Variants in RASSF3 observed in about 807,000 individuals in gnomAD.
The protein encoded by RASSF3 is ras association domain-containing protein 3.
In RASSF3, 19 loss-of-function variants were observed where a neutral mutation model predicts 19.9. That is an observed-to-expected ratio of 0.96 (90% CI 0.67 to 1.40). The LOEUF (loss-of-function observed/expected upper bound fraction) is 1.40. Ranked by LOEUF, RASSF3 falls within the 40% of genes most tolerant of loss-of-function variation. The pLI is 0.00. For missense variants in RASSF3, 306 were observed against 289.8 expected, an observed-to-expected ratio of 1.06 and a Z score of -0.41; for synonymous variants, 110 against 104.2, an observed-to-expected ratio of 1.06 and a Z score of -0.34.
At chr12:64,521,019 T>C (rs1378137367) in intron 1 of RASSF3, among the ~76,000 whole-genome samples, 1 of 152,204 alleles carries the variant, frequency 6.6e-6, no homozygotes, top group East Asian at 1.9e-4. Context: ...GAGCTGGAAA[T>C]GGTTGTCGGG....
At chr12:64,644,120 G>A (rs1230669930) in intron 1 of RASSF3, among the ~76,000 whole-genome samples, 1 of 152,134 alleles carries the variant, frequency 6.6e-6, no homozygotes, top group Non-Finnish European at 1.5e-5. Context: ...ATAATTTGAG[G>A]AAATAGCTTA....
intron 2 of RASSF3, among the ~76,000 whole-genome samples, chr12:64,570,029 G>T (rs1458081445): frequency 2.6e-5 from 4 of 152,252 alleles, no homozygotes; most frequent in African/African-American, 9.6e-5. Flanking sequence ...TATCGGGTCT[G>T]CCTATAATGT....
chr12:64,610,076 C>T (rs866157951), upstream of RASSF3, among the ~76,000 whole-genome samples: 121 of 152,188 alleles, frequency 8.0e-4, no homozygotes, highest in African/African-American at 2.8e-3. Context: ...CCCCACCCAC[C>T]CCTACAGGAC....
chr12:64,684,651 G>T, intron 1 of RASSF3, 136 bp from the exon 2 acceptor site: 1 of 591,204 alleles, frequency 1.7e-6, no homozygotes. Context: ...GGGTGGTATT[G>T]AACTCCCAAC....
chr12:64,605,628 G>A (rs1870177628), upstream of RASSF3, among the ~76,000 whole-genome samples: 2 of 152,008 alleles, frequency 1.3e-5, no homozygotes, highest in Admixed American at 6.6e-5. Context: ...GGTGGCTCAC[G>A]CCTGTAATTC....
At chr12:64,681,351 C>G (rs959281494) in intron 1 of RASSF3, among the ~76,000 whole-genome samples, 1 of 152,148 alleles carries the variant, frequency 6.6e-6, no homozygotes, top group Non-Finnish European at 1.5e-5. Flanking sequence ...CAGCCTAGGC[C>G]AGGAAGCACC....
chr12:64,553,294 A>G lies in RASSF3; in HGVS notation c.294+11589A>G, dbSNP rs78138045. Among the ~76,000 whole-genome samples the G allele has an allele frequency of 3.3e-3, 506 of 152,336 alleles. 3 individuals are homozygous for G. Among genetic ancestry groups the G allele is most frequent in the African/African-American group, 0.012 (483 of 41,568 alleles). ...TACACTAGGTTCAGTTTAAATAGGAAGCAAACAGCTATATGTCTAAGTGCA... is the reference window on the plus strand; with the variant it reads ...TACACTAGGTTCAGTTTAAATAGGAGGCAAACAGCTATATGTCTAAGTGCA... On this transcript the variant is annotated intron_variant, in intron 2 of 5. Coordinates refer to the RASSF3 transcript ENST00000637125.
chr12:64,582,501 G>A (rs188910749), intron 2 of RASSF3, among the ~76,000 whole-genome samples: 1 of 152,260 alleles, frequency 6.6e-6, no homozygotes, highest in East Asian at 1.9e-4. Flanking sequence ...GACACTTTAG[G>A]TAACTGAATC....
chr12:64,514,028 C>T (rs1490682974), intron 1 of RASSF3, among the ~76,000 whole-genome samples: 4 of 150,304 alleles, frequency 2.7e-5, no homozygotes, highest in Non-Finnish European at 5.9e-5. Context: ...TTCAGGAGCA[C>T]GCCACCACAC....
At chr12:64,549,747 G>A (rs1451857227) in intron 2 of RASSF3, among the ~76,000 whole-genome samples, 1 of 152,122 alleles carries the variant, frequency 6.6e-6, no homozygotes, top group Non-Finnish European at 1.5e-5. Flanking sequence ...TAGTTGGTGT[G>A]TTTGTGACAG....
At chr12:64,593,691 C>G (rs1869957338) in intron 2 of RASSF3, among the ~76,000 whole-genome samples, 1 of 152,062 alleles carries the variant, frequency 6.6e-6, no homozygotes, top group Admixed American at 6.6e-5. Context: ...TAACTTCTTT[C>G]TGTTAAAGGA....
chr12:64,682,593 C>T (rs1265584731), intron 1 of RASSF3, among the ~76,000 whole-genome samples: 1 of 151,536 alleles, frequency 6.6e-6, no homozygotes, highest in East Asian at 1.9e-4. Context: ...GAAAAGTCAC[C>T]GAGATAATTT....
chr12:64,624,326 GT>G (rs1870908049), intron 1 of RASSF3, among the ~76,000 whole-genome samples: 2 of 152,014 alleles, frequency 1.3e-5, no homozygotes, highest in Admixed American at 6.5e-5. Flanking sequence ...AAAAGGGTGT[GT>G]GTTCTTAATT....
intron 1 of RASSF3, among the ~76,000 whole-genome samples, chr12:64,515,026 TTTTA>T (rs553529061): frequency 2.3e-4 from 34 of 149,682 alleles, no homozygotes; most frequent in East Asian, 1.4e-3. Flanking sequence ...ATTTTATTTA[TTTTA>T]TTTATTTATT....
At chr12:64,518,832 T>C (rs961039227) in intron 1 of RASSF3, among the ~76,000 whole-genome samples, 4 of 152,220 alleles carry the variant, frequency 2.6e-5, no homozygotes, top group African/African-American at 9.6e-5. Context: ...CTCTGTCTCA[T>C]TTGCATACCT....
chr12:64,688,593 C>A, intron 3 of RASSF3, 140 bp downstream of exon 3: 1 of 713,086 alleles, frequency 1.4e-6, no homozygotes, highest in Non-Finnish European at 2.5e-6. Context: ...CCATGGTGAT[C>A]TTAGCATGCA....
At chr12:64,580,148 C>T (rs1032467674) in intron 2 of RASSF3, among the ~76,000 whole-genome samples, 66 of 152,066 alleles carry the variant, frequency 4.3e-4, no homozygotes, top group African/African-American at 1.6e-3. Flanking sequence ...ATCTGTGCCC[C>T]ACTTAGGTCC....
intron 1 of RASSF3, among the ~76,000 whole-genome samples, chr12:64,644,578 T>C (rs1871663913): frequency 6.6e-6 from 1 of 152,014 alleles, no homozygotes; most frequent in Non-Finnish European, 1.5e-5. Context: ...ATGCCTGTAG[T>C]TCCAGCTACC....
intron 2 of RASSF3, among the ~76,000 whole-genome samples, chr12:64,571,074 C>T (rs374948161): frequency 2.3e-4 from 35 of 151,974 alleles, no homozygotes; most frequent in East Asian, 2.1e-3. Context: ...AAAAATCAGC[C>T]GGGTGTGGTC....
Sources: gnomAD v4.1 joint callset for allele counts (sites outside exome capture counted in the v4.1 genomes callset) on GRCh38, gnomAD v4.1.1 for gene constraint, MANE v1.5 for transcripts, NCBI Gene and HGNC (gene_info 2026-07-23, HGNC 2026-07-21) for gene names.